Variants in ZBTB20 observed in about 807,000 individuals in gnomAD.
ZBTB20 encodes zinc finger and BTB domain-containing protein 20.
A neutral mutation model predicts 56.9 loss-of-function variants in ZBTB20; 9 were observed. That is an observed-to-expected ratio of 0.16 (90% confidence interval 0.10 to 0.28). ZBTB20 has a LOEUF of 0.28. ZBTB20 is among the 10% of genes least tolerant of loss of function. The pLI is 1.00. For synonymous variants in ZBTB20, 417 were observed against 420.7 expected (o/e 0.99, Z 0.11); for missense variants, 655 against 1,003.0 (o/e 0.65, Z 4.69).
Position 114,769,138 on chromosome 3 carries a change from C to T in ZBTB20, c.-343+31963G>A, listed in dbSNP as rs115982096. 3.2e-3 allele frequency among the ~76,000 whole-genome samples: 491 copies of T among 152,210 alleles called. 5 individuals are homozygous for T. The highest frequency in any genetic ancestry group is 0.011 in the African/African-American group (472 of 41,538). ...TTATGGATGATGTTTGCATGTAGTA[C>T]GTGTCCATGTGTGGGGACTAGTGTA... On this transcript the variant is annotated intron_variant, in intron 5 of 11. Transcript: ENST00000675478.
At chr3:114,906,513 C>T (rs776820247) in intron 3 of ZBTB20, among the ~76,000 whole-genome samples, 4 of 151,186 alleles carry the variant, frequency 2.6e-5, no homozygotes, top group Admixed American at 1.3e-4. Context: ...CTTACATAAC[C>T]ATCTCTAATA....
chr3:114,879,219 CCAAA>C (rs751700647), intron 4 of ZBTB20, among the ~76,000 whole-genome samples: 6 of 152,136 alleles, frequency 3.9e-5, no homozygotes, highest in Admixed American at 3.9e-4. Context: ...CCTTTAGCAG[CCAAA>C]CAGATTGCAC....
At chr3:114,364,779 T>G (rs1427554602) in intron 10 of ZBTB20, among the ~76,000 whole-genome samples, 1 of 152,214 alleles carries the variant, frequency 6.6e-6, no homozygotes, top group Non-Finnish European at 1.5e-5. Flanking sequence ...TATAGTATTA[T>G]CCAACTGATT....
At chr3:114,430,913 T>C (rs1008286077) in intron 7 of ZBTB20, among the ~76,000 whole-genome samples, 1 of 152,126 alleles carries the variant, frequency 6.6e-6, no homozygotes, top group African/African-American at 2.4e-5. Context: ...TTGTTTTCTG[T>C]AAAGTGTGGA....
intron 4 of ZBTB20, among the ~76,000 whole-genome samples, chr3:114,833,604 A>G (rs2073966990): frequency 6.6e-6 from 1 of 151,778 alleles, no homozygotes; most frequent in Non-Finnish European, 1.5e-5. Flanking sequence ...ATCTTGGTAC[A>G]CTACAGTCTC....
intron 6 of ZBTB20, among the ~76,000 whole-genome samples, chr3:114,512,351 A>AAAT (rs940284224): frequency 2.6e-5 from 4 of 152,124 alleles, no homozygotes; most frequent in South Asian, 2.1e-4. Flanking sequence ...TTAATTCAAC[A>AAAT]AATAGTTTTC....
intron 1 of ZBTB20, among the ~76,000 whole-genome samples, chr3:115,106,903 C>T (rs1278528360): frequency 6.6e-6 from 1 of 152,058 alleles, no homozygotes; most frequent in Non-Finnish European, 1.5e-5. Context: ...AAAAAGTTTT[C>T]CTGAAAGAAT....
intron 1 of ZBTB20, among the ~76,000 whole-genome samples, chr3:115,142,116 A>G (rs1267342317): frequency 2.0e-5 from 3 of 152,218 alleles, no homozygotes; most frequent in Admixed American, 2.0e-4. Flanking sequence ...TATCCATAGG[A>G]AAGTTTTGGT....
chr3:114,785,364 C>G (rs1006623185), intron 5 of ZBTB20, among the ~76,000 whole-genome samples: 1 of 152,044 alleles, frequency 6.6e-6, no homozygotes, highest in Non-Finnish European at 1.5e-5. Flanking sequence ...AATCTTCAAA[C>G]TATTAAATTA....
At chr3:115,057,108 T>C (rs1166349930) in intron 2 of ZBTB20, among the ~76,000 whole-genome samples, 1 of 152,138 alleles carries the variant, frequency 6.6e-6, no homozygotes, top group African/African-American at 2.4e-5. Context: ...TCATTATCCT[T>C]CTGTCTTCTC....
intron 5 of ZBTB20, among the ~76,000 whole-genome samples, chr3:114,796,596 G>T (rs1445870494): frequency 1.3e-5 from 2 of 151,766 alleles, no homozygotes; most frequent in East Asian, 3.9e-4. Flanking sequence ...ATAAAATCCT[G>T]ACTGGAACAG....
chr3:114,503,685 A>C (rs925291568), intron 6 of ZBTB20, among the ~76,000 whole-genome samples: 1 of 152,118 alleles, frequency 6.6e-6, no homozygotes, highest in African/African-American at 2.4e-5. Context: ...AAGCCCAAGT[A>C]ATTCAGGACG....
chr3:114,563,866 T>C (rs1042027564), intron 6 of ZBTB20, among the ~76,000 whole-genome samples: 3 of 152,206 alleles, frequency 2.0e-5, no homozygotes, highest in Admixed American at 2.0e-4. Context: ...TAACTTTCAA[T>C]AGAAATCAAG....
intron 5 of ZBTB20, among the ~76,000 whole-genome samples, chr3:114,772,201 C>T (rs1560231887): frequency 6.6e-6 from 1 of 151,954 alleles, no homozygotes; most frequent in East Asian, 1.9e-4. Context: ...AGTAACCGGG[C>T]ATGGTGGCAC....
Position 114,643,871 on chromosome 3 carries a change from G to A in ZBTB20, c.-295+49657C>T, listed in dbSNP as rs180678799. Among the ~76,000 whole-genome samples the A allele has an allele frequency of 3.3e-5, 5 of 152,036 alleles. No homozygotes were observed. In the East Asian group the frequency reaches 5.8e-4, roughly 18 times the overall value. On this transcript the variant is annotated intron_variant, in intron 6 of 11. Transcript: ENST00000675478. ...GAATTTCTAACTTTACATTTTGCCC[G>A]TACCTCTCCTTGTAACATTCTTCCC...
intron 1 of ZBTB20, among the ~76,000 whole-genome samples, chr3:115,141,290 T>C (rs1289751377): frequency 1.3e-5 from 2 of 152,204 alleles, no homozygotes; most frequent in Admixed American, 1.3e-4. Flanking sequence ...CACCATATTG[T>C]ACCTAAAACA....
intron 3 of ZBTB20, among the ~76,000 whole-genome samples, chr3:114,928,794 C>T (rs1345763889): frequency 6.6e-6 from 1 of 152,186 alleles, no homozygotes; most frequent in African/African-American, 2.4e-5. Context: ...GAAAAAGATG[C>T]TGCAATACTG....
chr3:114,696,702 T>C (rs2063041842), intron 5 of ZBTB20, among the ~76,000 whole-genome samples: 1 of 151,832 alleles, frequency 6.6e-6, no homozygotes, highest in Non-Finnish European at 1.5e-5. Context: ...ATAAATTGCA[T>C]ACAAATCTCA....
intron 2 of ZBTB20, among the ~76,000 whole-genome samples, chr3:115,058,425 T>C (rs544020168): frequency 1.3e-5 from 2 of 152,204 alleles, no homozygotes; most frequent in African/African-American, 4.8e-5. Context: ...ACAGTTTTAG[T>C]CAAATTTGAA....
Sources: allele counts gnomAD v4.1 joint callset (sites outside exome capture counted in the v4.1 genomes callset), GRCh38; gene constraint gnomAD v4.1.1; transcripts MANE v1.5; gene names NCBI Gene and HGNC (gene_info 2026-07-23, HGNC 2026-07-21).